The following NAV3 variants were observed in gnomAD, a reference collection of about 807,000 sequenced individuals.
The protein encoded by NAV3 is pore membrane and/or filament interacting like protein 1.
NAV3 carries 87 observed loss-of-function variants against 244.7 expected under a neutral mutation model. The observed-to-expected ratio is 0.36, with a 90% CI of 0.30 to 0.42. The LOEUF is 0.42. Ranked by LOEUF, NAV3 falls within the 20% of genes least tolerant of loss-of-function variation. The pLI, the probability that NAV3 is intolerant of heterozygous loss-of-function variation, is 1.00. For synonymous variants in NAV3, 1,126 were observed against 1,042.2 expected, an observed-to-expected ratio of 1.08 and a Z score of -1.55; for missense variants, 2,663 against 2,893.3, an observed-to-expected ratio of 0.92 and a Z score of 1.83.
At chr12:77,941,260 C>G in intron 3 of NAV3, 127 bp downstream of exon 3, 2 of 637,960 alleles carry the variant, frequency 3.1e-6, no homozygotes, top group Non-Finnish European at 5.4e-6. Context: ...ATCCCATTCT[C>G]TCATATGTAT....
chr12:78,111,858 T>C (rs1466326822), intron 12 of NAV3, among the ~76,000 whole-genome samples: 1 of 152,226 alleles, frequency 6.6e-6, no homozygotes, highest in African/African-American at 2.4e-5. Flanking sequence ...TATATGCATA[T>C]ATTCCTGTGA....
chr12:77,757,001 C>A (rs1279204263), intron 2 of NAV3, among the ~76,000 whole-genome samples: 1 of 152,166 alleles, frequency 6.6e-6, no homozygotes, highest in East Asian at 1.9e-4. Context: ...TCACCTTTTA[C>A]CTCTATTAGG....
intron 3 of NAV3, among the ~76,000 whole-genome samples, chr12:77,964,074 T>A (rs1338210181): frequency 1.4e-5 from 2 of 147,876 alleles, no homozygotes; most frequent in East Asian, 4.3e-4. Context: ...ATCCTTCTCC[T>A]TTTCTTCTTC....
chr12:78,107,567 C>G lies in NAV3; in HGVS notation c.2637-9205C>G, dbSNP rs902423269. 4.0e-5 allele frequency among the ~76,000 whole-genome samples: 6 copies of G among 151,514 alleles called. No homozygotes were observed. In the South Asian group the frequency reaches 1.3e-3, roughly 32 times the overall value. On this transcript the variant is annotated intron_variant, in intron 12 of 39. Transcript: ENST00000397909. The stretch of plus-strand genomic sequence containing the variant: ...CAGCAAATTTCTGGCAGAAACTTTA[C>G]AGGCCAGAAAGAATAGGACAATATA...
At chr12:77,758,036 A>T (rs1869270444) in intron 2 of NAV3, among the ~76,000 whole-genome samples, 1 of 152,182 alleles carries the variant, frequency 6.6e-6, no homozygotes, top group Non-Finnish European at 1.5e-5. Flanking sequence ...TCATGATCCA[A>T]AATGCACAAA....
intron 1 of NAV3, among the ~76,000 whole-genome samples, chr12:77,928,039 G>A (rs1888390710): frequency 1.3e-5 from 2 of 151,738 alleles, no homozygotes; most frequent in South Asian, 2.1e-4. Flanking sequence ...TGGCCAACAT[G>A]GTGAAACCCC....
intron 28 of NAV3, among the ~76,000 whole-genome samples, chr12:78,179,066 G>T (rs1958384501): frequency 6.6e-6 from 1 of 152,046 alleles, no homozygotes; most frequent in Non-Finnish European, 1.5e-5. Flanking sequence ...GGTAATTAAA[G>T]ACAGTATTGT....
chr12:77,737,945 T>G (rs1037889155), intron 2 of NAV3, among the ~76,000 whole-genome samples: 1 of 152,208 alleles, frequency 6.6e-6, no homozygotes, highest in African/African-American at 2.4e-5. Flanking sequence ...TCATGCAGCA[T>G]TTACTGTTCT....
intron 29 of NAV3, 118 bp downstream of exon 29, chr12:78,179,800 CT>C: frequency 8.6e-7 from 1 of 1,156,426 alleles, no homozygotes; most frequent in South Asian, 1.7e-5. Context: ...GAAATGTACT[CT>C]GTTTATTCAG....
chr12:77,931,371 G>C (rs1362329994), intron 1 of NAV3, among the ~76,000 whole-genome samples: 1 of 145,264 alleles, frequency 6.9e-6, no homozygotes, highest in East Asian at 2.1e-4. Flanking sequence ...ATTTTCTTCT[G>C]CATCCGCTGA....
chr12:77,663,849 T>G (rs531944602), intron 2 of NAV3, among the ~76,000 whole-genome samples: 16 of 152,344 alleles, frequency 1.1e-4, no homozygotes, highest in African/African-American at 3.6e-4. Flanking sequence ...TGAGCATGAG[T>G]GAGCCAATAT....
At chr12:77,624,586 C>A (rs968849933) in intron 2 of NAV3, among the ~76,000 whole-genome samples, 1 of 151,912 alleles carries the variant, frequency 6.6e-6, no homozygotes, top group Non-Finnish European at 1.5e-5. Flanking sequence ...AAGCAGTGGA[C>A]ATACAGAAGG....
At position 77,739,618 on chromosome 12, in the gene NAV3, T is replaced by C. The variant is rs1419988085; in HGVS notation, c.72+167352T>C. On this transcript the variant is annotated intron_variant, in intron 2 of 8. Coordinates refer to the NAV3 transcript ENST00000550042. ...AGTATTCACAACTAGTAGTGAAAAT[T>C]GTACCTTACTGATTTAAATCACATC... 2.0e-5 allele frequency among the ~76,000 whole-genome samples: 3 copies of C among 152,276 alleles called. No individual in the cohort carries two copies. The East Asian group carries it at 5.8e-4, about 29-fold the overall frequency.
intron 11 of NAV3, among the ~76,000 whole-genome samples, chr12:78,052,887 T>C (rs1882961465): frequency 6.6e-6 from 1 of 152,040 alleles, no homozygotes; most frequent in Admixed American, 6.6e-5. Flanking sequence ...ATATGGCTAA[T>C]TATATACATA....
chr12:77,934,256 T>C (rs1420842188), intron 1 of NAV3, among the ~76,000 whole-genome samples: 2 of 152,174 alleles, frequency 1.3e-5, no homozygotes, highest in African/African-American at 4.8e-5. Flanking sequence ...CTGTCATACA[T>C]AACTTGACTT....
intron 7 of NAV3, among the ~76,000 whole-genome samples, chr12:77,998,922 A>G (rs951089832): frequency 6.6e-6 from 1 of 152,202 alleles, no homozygotes; most frequent in African/African-American, 2.4e-5. Flanking sequence ...TTATCTTTGC[A>G]AGCAGCAGAT....
At chr12:77,865,836 G>A (rs1433703480) in intron 1 of NAV3, among the ~76,000 whole-genome samples, 1 of 151,308 alleles carries the variant, frequency 6.6e-6, no homozygotes, top group Non-Finnish European at 1.5e-5. Flanking sequence ...TTTTTTTAGT[G>A]GCTACTCTGA....
intron 12 of NAV3, among the ~76,000 whole-genome samples, chr12:78,096,683 G>A (rs541482174): frequency 8.5e-5 from 13 of 152,104 alleles, no homozygotes; most frequent in East Asian, 1.9e-4. Context: ...AGGAAAACCC[G>A]CCCCCTCAAT....
intron 1 of NAV3, among the ~76,000 whole-genome samples, chr12:77,881,335 T>C (rs546455750): frequency 7.9e-5 from 12 of 152,296 alleles, no homozygotes; most frequent in Non-Finnish European, 1.2e-4. Context: ...TAGGTCACTA[T>C]AGTGTTTGCA....
Sources: gnomAD v4.1 joint callset for allele counts (sites outside exome capture counted in the v4.1 genomes callset) on GRCh38, gnomAD v4.1.1 for gene constraint, MANE v1.5 for transcripts, NCBI Gene and HGNC (gene_info 2026-07-23, HGNC 2026-07-21) for gene names.